FOXP2: variants seen among roughly 807,000 people sequenced by gnomAD.
FOXP2 encodes forkhead box protein P2.
Under a neutral mutation model 115.8 loss-of-function variants are expected in FOXP2, and 12 were observed. That is an observed-to-expected ratio of 0.10 (90% CI 0.07 to 0.17). The LOEUF (loss-of-function observed/expected upper bound fraction) is 0.17. Ranked by LOEUF, FOXP2 falls within the 10% of genes least tolerant of loss-of-function variation. The pLI is 1.00. For synonymous variants in FOXP2, 328 were observed against 297.7 expected (o/e 1.10, Z -1.05); for missense variants, 629 against 843.5 (o/e 0.75, Z 3.15).
chr7:114,467,864 C>G (rs1361467661), intron 2 of FOXP2, among the ~76,000 whole-genome samples: 1 of 152,136 alleles, frequency 6.6e-6, no homozygotes, highest in Non-Finnish European at 1.5e-5. Context: ...TGGGATCTCT[C>G]TACTCTGGGT....
upstream of FOXP2, among the ~76,000 whole-genome samples, chr7:114,161,732 A>G (rs1385823304): frequency 1.3e-5 from 2 of 152,088 alleles, no homozygotes; most frequent in Non-Finnish European, 2.9e-5. Context: ...GAGTGACTTC[A>G]AGATAAGGCA....
chr7:114,690,005 A>G lies in FOXP2; in HGVS notation c.*79A>G. On this transcript the variant is annotated 3_prime_UTR_variant, in exon 17 of 17. Coordinates refer to ENST00000350908, the MANE Select transcript of FOXP2 (RefSeq NM_014491.4). ...CACTCCACAACCATGAATATTTGACAAATTTTTACTGTGACTATTTATTAA... is the reference window on the plus strand; with the variant it reads ...CACTCCACAACCATGAATATTTGACGAATTTTTACTGTGACTATTTATTAA... The G allele has an allele frequency of 6.5e-7, 1 of 1,541,114 alleles. No individual in the cohort carries two copies. The highest frequency in any genetic ancestry group is 8.9e-7 in the Non-Finnish European group (1 of 1,121,250).
intron 1 of FOXP2, among the ~76,000 whole-genome samples, chr7:114,237,006 C>G (rs1198951084): frequency 6.6e-6 from 1 of 151,974 alleles, no homozygotes; most frequent in Non-Finnish European, 1.5e-5. Context: ...ATACTAAAGT[C>G]AAAGTAAGTG....
In FOXP2 at chr7:114,649,486, AT is replaced by A. The variant is rs796865142; in HGVS notation, c.1095-2714del. Among the ~76,000 whole-genome samples, 57 of 152,206 alleles carry A rather than the reference AT, an allele frequency of 3.7e-4. 1 individual carries two copies. Among genetic ancestry groups the A allele is most frequent in the African/African-American group, 1.3e-3 (54 of 41,568 alleles). On this transcript the variant is annotated intron_variant, in intron 8 of 16. Transcript: ENST00000350908. ...ATTTTTCAGTATTATCTCATTCTTG[AT>A]TTATAAATCATAGAGAATTTTTGAA... is the stretch of plus-strand genomic sequence containing the variant.
chr7:114,548,102 G>C (rs1800022230), intron 3 of FOXP2, among the ~76,000 whole-genome samples: 2 of 152,136 alleles, frequency 1.3e-5, no homozygotes, highest in African/African-American at 4.8e-5. Context: ...TGTAGCTTTT[G>C]TCTTCATGGC....
At chr7:114,357,751 A>G (rs1231936195) in intron 2 of FOXP2, among the ~76,000 whole-genome samples, 1 of 152,082 alleles carries the variant, frequency 6.6e-6, no homozygotes, top group Non-Finnish European at 1.5e-5. Flanking sequence ...TTGGATGCCT[A>G]CTTTGATTTT....
At chr7:114,307,107 GC>G (rs1562863863) in intron 2 of FOXP2, among the ~76,000 whole-genome samples, 1 of 152,080 alleles carries the variant, frequency 6.6e-6, no homozygotes, top group Non-Finnish European at 1.5e-5. Flanking sequence ...CCATTATTCT[GC>G]CTACCAAATA....
chr7:114,137,583 TCTGG>T (rs1229220998), intron 1 of FOXP2, among the ~76,000 whole-genome samples: 1 of 152,150 alleles, frequency 6.6e-6, no homozygotes, highest in Non-Finnish European at 1.5e-5. Context: ...TAAGTTATAT[TCTGG>T]CTGAAGTTCA....
chr7:114,271,145 T>G (rs556306131), intron 1 of FOXP2, among the ~76,000 whole-genome samples: 1 of 152,196 alleles, frequency 6.6e-6, no homozygotes, highest in East Asian at 1.9e-4. Flanking sequence ...TTCACCTTGC[T>G]GTAATTACTT....
intron 2 of FOXP2, among the ~76,000 whole-genome samples, chr7:114,293,046 A>T (rs1429174395): frequency 1.3e-5 from 2 of 152,138 alleles, no homozygotes; most frequent in Admixed American, 1.3e-4. Context: ...TATGGGAAAA[A>T]CACGAATCAC....
chr7:114,520,188 C>A (rs1311758326), intron 2 of FOXP2, among the ~76,000 whole-genome samples: 1 of 152,042 alleles, frequency 6.6e-6, no homozygotes, highest in Non-Finnish European at 1.5e-5. Flanking sequence ...TTCTGTAAAA[C>A]AATGACATTA....
chr7:114,595,777 T>C (rs909158002), intron 3 of FOXP2, among the ~76,000 whole-genome samples: 1 of 151,882 alleles, frequency 6.6e-6, no homozygotes, highest in Non-Finnish European at 1.5e-5. Context: ...GCGTAATCAA[T>C]GATACAGAAG....
At chr7:114,130,430 T>A (rs1183435627) in intron 1 of FOXP2, among the ~76,000 whole-genome samples, 2 of 152,242 alleles carry the variant, frequency 1.3e-5, no homozygotes, top group African/African-American at 4.8e-5. Context: ...AGTGTTCATT[T>A]TCCTCATTAT....
At chr7:114,114,252 C>T (rs1315283478) in intron 1 of FOXP2, among the ~76,000 whole-genome samples, 1 of 150,358 alleles carries the variant, frequency 6.7e-6, no homozygotes, top group East Asian at 1.9e-4. Context: ...CGCATATATA[C>T]ATATATGTGT....
At chr7:114,523,189 G>A (rs570596684) in intron 2 of FOXP2, among the ~76,000 whole-genome samples, 15 of 152,244 alleles carry the variant, frequency 9.9e-5, no homozygotes, top group African/African-American at 3.6e-4. Context: ...AATTTATTCA[G>A]AGATCATCAA....
rs564977669 is a variant in FOXP2 at position 114,269,493 on chromosome 7, C to G, written c.-101-18526C>G. On this transcript the variant is annotated intron_variant, in intron 1 of 17. Transcript: ENST00000634411. ...CAGGCTGTAGTACAGTGGCATGATCCTGGCTCACTGCAGCTTTGGATTACT... is the reference window on the plus strand; with the variant it reads ...CAGGCTGTAGTACAGTGGCATGATCGTGGCTCACTGCAGCTTTGGATTACT... 1.9e-3 allele frequency among the ~76,000 whole-genome samples: 294 copies of G among 152,152 alleles called. 2 individuals carry two copies. Among genetic ancestry groups the G allele is most frequent in the African/African-American group, 6.9e-3 (285 of 41,510 alleles).
intron 1 of FOXP2, among the ~76,000 whole-genome samples, chr7:114,224,318 T>G (rs947206098): frequency 6.6e-6 from 1 of 152,198 alleles, no homozygotes; most frequent in African/African-American, 2.4e-5. Flanking sequence ...TTTGGGATTT[T>G]CATAGAAATA....
intron 1 of FOXP2, among the ~76,000 whole-genome samples, chr7:114,230,710 G>A (rs1486620595): frequency 6.6e-6 from 1 of 151,756 alleles, no homozygotes; most frequent in Non-Finnish European, 1.5e-5. Context: ...AAGGAATAGA[G>A]GGAAATTACC....
At chr7:114,204,477 A>G (rs1439520737) in intron 1 of FOXP2, among the ~76,000 whole-genome samples, 1 of 152,168 alleles carries the variant, frequency 6.6e-6, no homozygotes, top group Non-Finnish European at 1.5e-5. Flanking sequence ...TTTAACTCAC[A>G]GCTCTGCATC....
Sources: allele counts gnomAD v4.1 joint callset (sites outside exome capture counted in the v4.1 genomes callset), GRCh38; gene constraint gnomAD v4.1.1; transcripts MANE v1.5; gene names NCBI Gene and HGNC (gene_info 2026-07-23, HGNC 2026-07-21).